USP45: variants seen among roughly 807,000 people sequenced by gnomAD.
USP45 encodes the protein ubiquitin carboxyl-terminal hydrolase 45.
Under a neutral mutation model 95.8 loss-of-function variants are expected in USP45, and 89 were observed. The observed-to-expected ratio is 0.93, with a 90% CI of 0.78 to 1.11. USP45 has a LOEUF of 1.11. Ranked by LOEUF, USP45 falls within the 50% of genes least tolerant of loss-of-function variation. USP45 has a pLI of 0.00. For missense variants in USP45, 898 were observed against 942.5 expected (o/e 0.95, Z 0.62); for synonymous variants, 281 against 316.2 (o/e 0.89, Z 1.18).
Position 99,464,700 on chromosome 6 carries a change from T to C in USP45, c.1212A>G (p.Leu404=). The change falls in exon 13 of 18, where the codon TTA becomes TTG. Residue 404 remains leucine (L), a synonymous_variant. Coordinates refer to ENST00000500704, the MANE Select transcript of USP45 (RefSeq NM_001346022.3). ...LWGRMNKYRS[L]RETDHDRYSG... is the part of the protein sequence containing the mutation. ...TGTATCGATCATGATCTGTCTCCCGTAAACTTCTATATTTATTCATTCTTC... is the reference window on the plus strand; with the variant it reads ...TGTATCGATCATGATCTGTCTCCCGCAAACTTCTATATTTATTCATTCTTC... The C allele has an allele frequency of 3.1e-6, 5 of 1,612,358 alleles. No individual in the cohort carries two copies. The highest frequency in any genetic ancestry group is 4.2e-6 in the Non-Finnish European group (5 of 1,179,724).
chr6:99,514,678 A>G (rs149431588), intron 1 of USP45, among the ~76,000 whole-genome samples: 1 of 147,448 alleles, frequency 6.8e-6, no homozygotes, highest in East Asian at 2.0e-4. Context: ...AGAAAAAAAA[A>G]TCCTTTTTTC....
rs1349995923 is a variant in USP45, at chr6:99,433,982, C to G, written c.*1734G>C. On this transcript the variant is annotated 3_prime_UTR_variant, in exon 18 of 18. Transcript: ENST00000500704. ...AATATTTTTCAAAAAATTCACTGCT[C>G]TGGTACTGAGATCTCCATGATAACA... 6.6e-6 allele frequency: 1 copy of G among 152,112 alleles called. No individual in the cohort carries two copies. The highest frequency in any genetic ancestry group is 2.4e-5 in the African/African-American group (1 of 41,412). The allele number at this position is 152,112 out of a possible 1,614,324, so 9.4% of individuals were successfully genotyped here.
rs768363981 is a variant in USP45, at chr6:99,443,616, G to A, written c.2022C>T (p.Leu674=). ...GVYTNARKQL[L]ISAVPAVLIL... ...TTAGGACAGCTGGAACAGCAGAAAT[G>A]AGCAATTGCTTCCTGGCATTAGTAT... The change falls in exon 15 of 18, where the codon CTC becomes CTT. Residue 674 remains leucine, a synonymous_variant. Transcript: ENST00000500704. The A allele has an allele frequency of 1.2e-6, 2 of 1,609,024 alleles. No homozygotes were observed. Among genetic ancestry groups the A allele is most frequent in the Non-Finnish European group, 1.7e-6 (2 of 1,177,186 alleles).
At chr6:99,463,881 A>C (rs986104546) in intron 13 of USP45, among the ~76,000 whole-genome samples, 1 of 152,076 alleles carries the variant, frequency 6.6e-6, no homozygotes, top group Non-Finnish European at 1.5e-5. Context: ...AAACTTTAGA[A>C]AGCAAAATAA....
In USP45 at chr6:99,456,726, G is replaced by A. The variant is rs144208117; in HGVS notation, c.1308+7878C>T. 7.9e-3 allele frequency among the ~76,000 whole-genome samples: 1,201 copies of A among 152,216 alleles called. 16 individuals are homozygous for A. Among genetic ancestry groups the A allele is most frequent in the African/African-American group, 0.028 (1,151 of 41,512 alleles). ...GGACCATGTGATAATTGCGTTAACTGCACAAATTGTACAGCATGTGTGTTT... is the reference window on the plus strand; with the variant it reads ...GGACCATGTGATAATTGCGTTAACTACACAAATTGTACAGCATGTGTGTTT... On this transcript the variant is annotated intron_variant, in intron 13 of 17. Transcript: ENST00000500704.
chr6:99,503,666 G>A, intron 5 of USP45, 99 bp downstream of exon 5: 2 of 771,258 alleles, frequency 2.6e-6, no homozygotes, highest in Non-Finnish European at 4.0e-6. Flanking sequence ...TATTGGCTGG[G>A]CTGTCACAGT....
chr6:99,453,351 C>T (rs1485142943), intron 13 of USP45, among the ~76,000 whole-genome samples: 6 of 151,720 alleles, frequency 4.0e-5, no homozygotes, highest in African/African-American at 1.5e-4. Context: ...AAATCAGTAG[C>T]GTTTCTATAC....
At chr6:99,509,900 T>G (rs967666908) in intron 2 of USP45, among the ~76,000 whole-genome samples, 3 of 152,162 alleles carry the variant, frequency 2.0e-5, no homozygotes, top group Middle Eastern at 3.2e-3. Flanking sequence ...CTGTGCATAC[T>G]CAAGTCCCGC....
chr6:99,487,334 G>A (rs71564274), intron 7 of USP45, among the ~76,000 whole-genome samples: 8,632 of 152,108 alleles, frequency 0.057, 274 homozygotes, highest in East Asian at 0.14. Context: ...TTATTTCATC[G>A]TAGTCTCAGA....
rs1239768319 is a variant in USP45, at chr6:99,432,786, G to A, written c.*2930C>T. On this transcript the variant is annotated 3_prime_UTR_variant, in exon 18 of 18. Transcript: ENST00000500704. ...GTGAATTTTTAAAAGGAATCAGGAT[G>A]TCATTTTGTACTACAAAAATTAGAT... 1.3e-5 allele frequency: 2 copies of A among 152,608 alleles called. No homozygotes were observed. Among genetic ancestry groups the A allele is most frequent in the Non-Finnish European group, 2.9e-5 (2 of 68,024 alleles). The allele number at this position is 152,608 out of a possible 1,614,324, so 9.5% of individuals were successfully genotyped here.
intron 2 of USP45, among the ~76,000 whole-genome samples, chr6:99,509,647 C>CA (rs199667881): frequency 9.0e-3 from 544 of 60,496 alleles, no homozygotes; most frequent in Middle Eastern, 0.019. Flanking sequence ...AGAAAGAGAC[C>CA]AAAAAAAAAA....
intron 17 of USP45, among the ~76,000 whole-genome samples, 160 bp downstream of exon 17, chr6:99,437,086 G>A (rs1043576478): frequency 6.3e-5 from 9 of 142,790 alleles, no homozygotes; most frequent in African/African-American, 2.3e-4. Context: ...GGATGACTGA[G>A]ACTCTGTCTC....
At chr6:99,487,012 G>A (rs1242513821) in intron 7 of USP45, among the ~76,000 whole-genome samples, 1 of 152,198 alleles carries the variant, frequency 6.6e-6, no homozygotes, top group East Asian at 1.9e-4. Context: ...GGGTGTCCTA[G>A]TAAGAGAGTG....
intron 14 of USP45, among the ~76,000 whole-genome samples, chr6:99,444,110 C>G (rs1196677003): frequency 6.6e-6 from 1 of 152,008 alleles, no homozygotes; most frequent in East Asian, 1.9e-4. Flanking sequence ...CTCCCAGGCA[C>G]AAGCAATCCT....
At chr6:99,493,710 G>A (rs763227851) in intron 5 of USP45, among the ~76,000 whole-genome samples, 3 of 152,004 alleles carry the variant, frequency 2.0e-5, no homozygotes, top group African/African-American at 7.2e-5. Flanking sequence ...TGTTGTCCAG[G>A]CTGGTCTCGA....
intron 5 of USP45, among the ~76,000 whole-genome samples, chr6:99,500,076 T>G (rs747167079): frequency 9.2e-5 from 14 of 152,224 alleles, no homozygotes; most frequent in Non-Finnish European, 1.9e-4. Flanking sequence ...ACACACCTAG[T>G]GACAGAGTCA....
chr6:99,493,139 G>C (rs1455116921), intron 5 of USP45, among the ~76,000 whole-genome samples: 1 of 151,770 alleles, frequency 6.6e-6, no homozygotes, highest in Admixed American at 6.6e-5. Flanking sequence ...CAATTCTTCT[G>C]TCTCAGCCTC....
At chr6:99,466,945 T>A (rs1300836664) in intron 10 of USP45, among the ~76,000 whole-genome samples, 182 bp from the exon 11 acceptor site, 1 of 152,192 alleles carries the variant, frequency 6.6e-6, no homozygotes, top group Admixed American at 6.5e-5. Flanking sequence ...TGTAGCAGAT[T>A]TACGACTATC....
chr6:99,465,219 TC>T, intron 11 of USP45, 83 bp from the exon 12 acceptor site: 1 of 1,190,606 alleles, frequency 8.4e-7, no homozygotes, highest in Non-Finnish European at 1.2e-6. Flanking sequence ...AAATCAAACT[TC>T]CCGGGCAACC....
Sources: allele counts gnomAD v4.1 joint callset (sites outside exome capture counted in the v4.1 genomes callset), GRCh38; gene constraint gnomAD v4.1.1; transcripts MANE v1.5; gene names NCBI Gene and HGNC (gene_info 2026-07-23, HGNC 2026-07-21).